The following GPC1 variants were observed in gnomAD, a reference collection of about 807,000 sequenced individuals.
The protein encoded by GPC1 is glypican 1, also known as glypican-1.
Under a neutral mutation model 51.5 loss-of-function variants are expected in GPC1, and 26 were observed. That is an observed-to-expected ratio of 0.50 (90% CI 0.37 to 0.70). GPC1 has a LOEUF of 0.70. Ranked by LOEUF, GPC1 falls within the 30% of genes least tolerant of loss-of-function variation. The pLI is 0.00. For synonymous variants in GPC1, 380 were observed against 348.3 expected, an observed-to-expected ratio of 1.09 and a Z score of -1.01; for missense variants, 775 against 800.5, an observed-to-expected ratio of 0.97 and a Z score of 0.38.
chr2:240,449,193 C>G (rs2074073905), intron 1 of GPC1: 1 of 152,822 alleles, frequency 6.5e-6, no homozygotes, highest in Non-Finnish European at 1.5e-5. Flanking sequence ...CTGCTGACAG[C>G]CTGGACGGGG....
At chr2:240,455,037 C>A in intron 1 of GPC1, 1 of 185,820 alleles carries the variant, frequency 5.4e-6, no homozygotes, top group South Asian at 9.9e-5. Context: ...AAAGTTAAGG[C>A]TGGTGGGGGC....
rs1559198115 is a variant in GPC1, at chr2:240,453,318, C to CCCT, written c.167-5710_167-5709insTCC. On this transcript the variant is annotated intron_variant, in intron 1 of 8. Coordinates refer to ENST00000264039, the MANE Select transcript of GPC1 (RefSeq NM_002081.3). ...CGGCGTCCCCGCCCCGCTCCCACCG[C>CCCT]CCGCCCCGCTCCCACCGCCCGCCCC... 1.5e-3 allele frequency among the ~76,000 whole-genome samples: 7 copies of CCCT among 4,568 alleles called. 1 individual carries two copies. The highest frequency in any genetic ancestry group is 7.0e-3 in the South Asian group (1 of 142). 3.0% of individuals were successfully genotyped at this position (4,568 alleles called of 152,430 possible). A position where few individuals can be genotyped will look rare whatever the true frequency, so the allele number is the denominator to read the frequency against.
chr2:240,466,383 T>C lies in GPC1; in HGVS notation c.*93T>C. 1 of 763,052 alleles carries C rather than the reference T, an allele frequency of 1.3e-6. No individual in the cohort carries two copies. The highest frequency in any genetic ancestry group is 2.2e-6 in the Non-Finnish European group (1 of 455,338). 47.3% of individuals were successfully genotyped at this position (763,052 alleles called of 1,614,324 possible). ...TAATTCACCTCAGCCTGGAGAGGCC[T>C]GGGGTGGGACAGGGAGGGCCGGCGG... On this transcript the variant is annotated 3_prime_UTR_variant, in exon 9 of 9. Coordinates refer to ENST00000264039, the MANE Select transcript of GPC1 (RefSeq NM_002081.3).
At chr2:240,443,802 C>T (rs1248153794) in intron 1 of GPC1, among the ~76,000 whole-genome samples, 2 of 152,190 alleles carry the variant, frequency 1.3e-5, no homozygotes, top group South Asian at 2.1e-4. Flanking sequence ...TTCCCAGAGT[C>T]GGCAGCACCA....
chr2:240,462,667 C>A lies in GPC1; in HGVS notation c.717+85C>A, dbSNP rs562766352. 42 of 1,278,092 alleles carry A rather than the reference C, an allele frequency of 3.3e-5. No homozygotes were observed. The African/African-American group carries it at 3.4e-4, about 10-fold the overall frequency. 79.2% of individuals were successfully genotyped at this position (1,278,092 alleles called of 1,614,324 possible). A position where few individuals can be genotyped will look rare whatever the true frequency, so the allele number is the denominator to read the frequency against. On this transcript the variant is annotated intron_variant, in intron 3 of 8. Transcript: ENST00000264039. ...GGACTTCCTCTTCCCCCTACTTTAA[C>A]CCTGTGCCCCTGGGCCTCTGGGCCA...
rs1574784889 is a variant in GPC1 at position 240,467,813 on chromosome 2, C to T, written c.*1523C>T. ...CAAGTCCACCCCATAATAACCCTGC[C>T]AGTGCCAGGGTGGGCTGGGGACTCT... is the stretch of plus-strand genomic sequence containing the variant. On this transcript the variant is annotated 3_prime_UTR_variant, in exon 9 of 9. Coordinates refer to ENST00000264039, the MANE Select transcript of GPC1 (RefSeq NM_002081.3). 1 of 152,280 alleles carries T rather than the reference C, an allele frequency of 6.6e-6. No homozygotes were observed. The highest frequency in any genetic ancestry group is 1.5e-5 in the Non-Finnish European group (1 of 68,092). 9.4% of individuals were successfully genotyped at this position (152,280 alleles called of 1,614,324 possible).
intron 1 of GPC1, chr2:240,450,720 C>T (rs559185082): frequency 2.6e-5 from 12 of 468,362 alleles, no homozygotes; most frequent in Middle Eastern, 3.3e-4. Context: ...GGCAGTGGGT[C>T]GTGTTCGCTC....
chr2:240,462,660 A>C, intron 3 of GPC1, 78 bp downstream of exon 3: 2 of 1,337,444 alleles, frequency 1.5e-6, no homozygotes, highest in Non-Finnish European at 2.0e-6. Context: ...TCTTCCCCCT[A>C]CTTTAACCCT....
chr2:240,466,105 C>G lies in GPC1; in HGVS notation c.1492C>G (p.Leu498Val). The change falls in exon 9 of 9, where the codon CTC (leucine) becomes GTC (valine). Residue 498 changes from leucine to valine, a missense_variant. Leu to Val is a conservative substitution (Grantham distance 32). Transcript: ENST00000264039. ...SGSGDGCLDD[L>V]CSRKVSRKSS... ...CAGCGGTGATGGCTGTCTGGATGAC[C>G]TCTGCAGCCGGAAGGTCAGCAGGAA... 1 of 1,612,762 alleles carries G rather than the reference C, an allele frequency of 6.2e-7. No individual in the cohort carries two copies. Among genetic ancestry groups the G allele is most frequent in the Non-Finnish European group, 8.5e-7 (1 of 1,179,818 alleles).
chr2:240,450,498 C>T (rs2074087986), intron 1 of GPC1: 1 of 437,024 alleles, frequency 2.3e-6, no homozygotes, highest in Admixed American at 2.5e-5. Context: ...TCAGCGGGAC[C>T]TACAGCTGCT....
At chr2:240,450,099 C>T (rs2074083887) in intron 1 of GPC1, 3 of 338,224 alleles carry the variant, frequency 8.9e-6, no homozygotes, top group African/African-American at 6.5e-5. Context: ...CATTGTTTAT[C>T]TGAAATTCAG....
At chr2:240,451,173 A>G (rs1211906330) in intron 1 of GPC1, 9 of 471,178 alleles carry the variant, frequency 1.9e-5, no homozygotes, top group South Asian at 1.4e-4. Context: ...GGCTCCCTCC[A>G]GAGGCACCCA....
chr2:240,437,383 C>T (rs2073990753), intron 1 of GPC1, among the ~76,000 whole-genome samples: 1 of 151,804 alleles, frequency 6.6e-6, no homozygotes, highest in South Asian at 2.1e-4. Flanking sequence ...CTTGTAAGGG[C>T]CCCCTGACCG....
At chr2:240,442,904 C>T (rs7572255) in intron 1 of GPC1, among the ~76,000 whole-genome samples, 69,805 of 152,142 alleles carry the variant, frequency 0.46, 17,263 homozygotes, top group Non-Finnish European at 0.55. Flanking sequence ...GGAGTGACCA[C>T]GCCCCAGCCT....
intron 1 of GPC1, chr2:240,456,086 T>C (rs2292832): frequency 0.66 from 215,960 of 325,312 alleles, 73,222 homozygotes; most frequent in African/African-American, 0.71. Context: ...CTGGGGCAGC[T>C]GGAACAACGC....
At chr2:240,439,235 G>C (rs551534690) in intron 1 of GPC1, among the ~76,000 whole-genome samples, 1 of 152,300 alleles carries the variant, frequency 6.6e-6, no homozygotes, top group South Asian at 2.1e-4. Context: ...GCCCAGGATA[G>C]CTTCTCGGAG....
In GPC1 at chr2:240,466,580, C is replaced by T. The variant is rs1461553764; in HGVS notation, c.*290C>T. On this transcript the variant is annotated 3_prime_UTR_variant, in exon 9 of 9. Transcript: ENST00000264039. ...CGGCTGCCTAGCCCTCCCCCCAGCTCCCTGCACCGCCGCAGAAGCAGCCCC... is the reference window on the plus strand; with the variant it reads ...CGGCTGCCTAGCCCTCCCCCCAGCTTCCTGCACCGCCGCAGAAGCAGCCCC... 12 of 425,878 alleles carry T rather than the reference C, an allele frequency of 2.8e-5. No homozygotes were observed. The highest frequency in any genetic ancestry group is 5.0e-5 in the Non-Finnish European group (12 of 238,478). 26.4% of individuals were successfully genotyped at this position (425,878 alleles called of 1,614,324 possible).
intron 4 of GPC1, chr2:240,464,358 A>C (rs1274153285): frequency 4.0e-6 from 2 of 495,572 alleles, no homozygotes; most frequent in Non-Finnish European, 7.4e-6. Flanking sequence ...GCCAGCAAGC[A>C]TGCAGAATGG....
At position 240,462,396 on chromosome 2, in the gene GPC1, G is replaced by A. The variant is rs1170101105; in HGVS notation, c.531G>A (p.Gln177=). 1 of 1,598,604 alleles carries A rather than the reference G, an allele frequency of 6.3e-7. No individual in the cohort carries two copies. Among genetic ancestry groups the A allele is most frequent in the Non-Finnish European group, 8.5e-7 (1 of 1,173,266 alleles). The change falls in exon 3 of 9, where the codon CAG becomes CAA. Residue 177 remains glutamine (Q), a synonymous_variant. Coordinates refer to ENST00000264039, the MANE Select transcript of GPC1 (RefSeq NM_002081.3). ...WARLLERLFK[Q]LHPQLLLPDD... ...GCCTGCTCGAGCGCCTCTTCAAGCAGCTGCACCCCCAGCTGCTGCTGCCTG... is the reference window on the plus strand; with the variant it reads ...GCCTGCTCGAGCGCCTCTTCAAGCAACTGCACCCCCAGCTGCTGCTGCCTG...
Sources: gnomAD v4.1 joint callset for allele counts (sites outside exome capture counted in the v4.1 genomes callset) on GRCh38, gnomAD v4.1.1 for gene constraint, MANE v1.5 for transcripts, NCBI Gene and HGNC (gene_info 2026-07-23, HGNC 2026-07-21) for gene names.